Variants in FFAR4 observed in about 807,000 individuals in gnomAD.
FFAR4 encodes free fatty acid receptor 4.
A neutral mutation model predicts 27.0 loss-of-function variants in FFAR4; 19 were observed. The ratio of observed to expected loss-of-function variants is 0.70; its 90% CI spans 0.49 to 1.03. FFAR4 has a LOEUF of 1.03. Ranked by LOEUF, FFAR4 falls within the 50% of genes least tolerant of loss-of-function variation. The pLI is 0.00. For synonymous variants in FFAR4, 254 were observed against 215.6 expected (o/e 1.18, Z -1.56); for missense variants, 476 against 479.0 (o/e 0.99, Z 0.06).
chr10:93,574,362 C>T (rs2058150089), intron 1 of FFAR4, among the ~76,000 whole-genome samples: 1 of 152,118 alleles, frequency 6.6e-6, no homozygotes, highest in South Asian at 2.1e-4. Flanking sequence ...TTTTTCTACT[C>T]TCCCTTAAAA....
At chr10:93,575,954 T>C in intron 1 of FFAR4, 137 bp from the exon 2 acceptor site, 1 of 770,298 alleles carries the variant, frequency 1.3e-6, no homozygotes, top group South Asian at 1.7e-5. Flanking sequence ...TGGGAGGGAT[T>C]CTGGGGTTCA....
At chr10:93,578,134 A>C (rs1564783805) in intron 2 of FFAR4, among the ~76,000 whole-genome samples, 1 of 152,128 alleles carries the variant, frequency 6.6e-6, no homozygotes. Flanking sequence ...AAAGAAGAGC[A>C]GGCCAGGTGT....
rs866781797 is a variant in FFAR4, at chr10:93,566,810, C to T, written c.90C>T (p.Asp30=). 1.6e-5 allele frequency: 25 copies of T among 1,606,208 alleles called. 1 individual carries two copies. The Middle Eastern group carries it at 4.9e-4, about 32-fold the overall frequency. ...GCACCCGCTTTCCCTTCTTCTCCGACGTCAAGGGCGACCACCGGCTGGTGC... is the reference window on the plus strand; with the variant it reads ...GCACCCGCTTTCCCTTCTTCTCCGATGTCAAGGGCGACCACCGGCTGGTGC... ...ANRTRFPFFS[D]VKGDHRLVLA... is the part of the protein sequence containing the mutation. The change falls in exon 1 of 3, where the codon GAC becomes GAT. Residue 30 remains aspartate, a synonymous_variant. Transcript: ENST00000371481.
At chr10:93,579,439 A>G (rs558200327) in intron 2 of FFAR4, among the ~76,000 whole-genome samples, 90 of 152,056 alleles carry the variant, frequency 5.9e-4, no homozygotes, top group African/African-American at 2.1e-3. Context: ...TCTTCTCCAG[A>G]TTTCTGCATG....
intron 2 of FFAR4, among the ~76,000 whole-genome samples, chr10:93,582,518 T>C (rs1183805621): frequency 7.5e-6 from 1 of 134,052 alleles, no homozygotes; most frequent in Non-Finnish European, 1.5e-5. Context: ...CACTCCAGCC[T>C]GGGCAACAAG....
chr10:93,582,139 G>T (rs926588001), intron 2 of FFAR4, among the ~76,000 whole-genome samples: 10 of 152,274 alleles, frequency 6.6e-5, no homozygotes, highest in African/African-American at 2.4e-4. Context: ...TCTAGCATGG[G>T]GAGAGGAGGA....
At chr10:93,567,684 C>T (rs2058107210) in intron 1 of FFAR4, among the ~76,000 whole-genome samples, 1 of 152,030 alleles carries the variant, frequency 6.6e-6, no homozygotes, top group African/African-American at 2.4e-5. Context: ...AGAGGCACAC[C>T]GAAGTGTATA....
At chr10:93,571,146 G>A (rs1396730926) in intron 1 of FFAR4, among the ~76,000 whole-genome samples, 1 of 152,140 alleles carries the variant, frequency 6.6e-6, no homozygotes, top group Non-Finnish European at 1.5e-5. Flanking sequence ...ACACATCCTA[G>A]CAACGTTGAC....
At chr10:93,577,383 CCTT>C (rs1438018859) in intron 2 of FFAR4, among the ~76,000 whole-genome samples, 1 of 152,176 alleles carries the variant, frequency 6.6e-6, no homozygotes, top group African/African-American at 2.4e-5. Context: ...GGGTCTGTAA[CCTT>C]CTTAGACGCT....
intron 2 of FFAR4, among the ~76,000 whole-genome samples, chr10:93,585,758 T>A (rs2058223327): frequency 6.6e-6 from 1 of 152,182 alleles, no homozygotes; most frequent in African/African-American, 2.4e-5. Flanking sequence ...GATGAGGGGA[T>A]CATTCCCAAG....
Position 93,587,272 on chromosome 10 carries a change from G to C in FFAR4, c.749G>C (p.Ser250Thr). Residue 250 changes from serine to threonine, a missense_variant, in exon 3 of 3, where the codon AGC (serine) becomes ACC (threonine). By Grantham distance (58) the Ser-to-Thr change is moderately conservative. Coordinates refer to ENST00000371481, the MANE Select transcript of FFAR4 (RefSeq NM_001195755.2). ...RLTVSLAYSE[S>T]HQIRVSQQDF... ...ACGGTAAGCCTGGCCTACTCGGAGA[G>C]CCACCAGATCCGCGTGTCCCAGCAG... 6.2e-7 allele frequency: 1 copy of C among 1,614,174 alleles called. No individual in the cohort carries two copies. The highest frequency in any genetic ancestry group is 2.2e-5 in the East Asian group (1 of 44,876).
rs1462939845 is a variant in FFAR4 at position 93,566,799 on chromosome 10, T to C, written c.79T>C (p.Phe27Leu). 2 of 1,608,392 alleles carry C rather than the reference T, an allele frequency of 1.2e-6. No individual in the cohort carries two copies. The change falls in exon 1 of 3, where the codon TTC (phenylalanine) becomes CTC (leucine). Residue 27 changes from phenylalanine (F) to leucine (L), a missense_variant. Physicochemically the swap from Phe to Leu is conservative, Grantham distance 22. Transcript: ENST00000371481. ...LEQANRTRFP[F>L]FSDVKGDHRL... is the part of the protein sequence containing the mutation. ...GCAAGCCAACCGCACCCGCTTTCCC[T>C]TCTTCTCCGACGTCAAGGGCGACCA...
At chr10:93,586,360 C>T (rs1163544093) in intron 2 of FFAR4, among the ~76,000 whole-genome samples, 1 of 152,150 alleles carries the variant, frequency 6.6e-6, no homozygotes, top group African/African-American at 2.4e-5. Flanking sequence ...TTGTAAGTTT[C>T]CTGAGGCCTC....
Position 93,570,361 on chromosome 10 carries a change from G to C in FFAR4, c.567+3074G>C, listed in dbSNP as rs188269153. Among the ~76,000 whole-genome samples the C allele has an allele frequency of 4.6e-5, 7 of 151,444 alleles. No homozygotes were observed. The East Asian group carries it at 7.9e-4, about 17-fold the overall frequency. On this transcript the variant is annotated intron_variant, in intron 1 of 2. Coordinates refer to ENST00000371481, the MANE Select transcript of FFAR4 (RefSeq NM_001195755.2). ...GAATGAGAGACAGAAAAAAACAAAGGGGGAGTGTAGTCATTAAAAAAAAAA... is the reference window on the plus strand; with the variant it reads ...GAATGAGAGACAGAAAAAAACAAAGCGGGAGTGTAGTCATTAAAAAAAAAA...
chr10:93,583,001 C>T (rs1021110121), intron 2 of FFAR4, among the ~76,000 whole-genome samples: 2 of 152,064 alleles, frequency 1.3e-5, no homozygotes, highest in African/African-American at 4.8e-5. Context: ...ATGATCCAAA[C>T]ACCTCCCACC....
At chr10:93,581,282 A>G (rs2058195858) in intron 2 of FFAR4, among the ~76,000 whole-genome samples, 1 of 152,374 alleles carries the variant, frequency 6.6e-6, no homozygotes, top group Non-Finnish European at 1.5e-5. Flanking sequence ...GGTGTTAGAC[A>G]GTGAACACAA....
intron 1 of FFAR4, among the ~76,000 whole-genome samples, chr10:93,568,595 CA>C (rs1210928823): frequency 1.3e-5 from 2 of 152,072 alleles, no homozygotes; most frequent in Non-Finnish European, 1.5e-5. Flanking sequence ...GCACACAGCC[CA>C]CCAGGGACAC....
At chr10:93,571,742 C>A (rs1164216303) in intron 1 of FFAR4, among the ~76,000 whole-genome samples, 1 of 152,132 alleles carries the variant, frequency 6.6e-6, no homozygotes, top group South Asian at 2.1e-4. Flanking sequence ...TATTTTCTCT[C>A]TTTTTTGCTG....
At chr10:93,577,748 A>C (rs911624459) in intron 2 of FFAR4, among the ~76,000 whole-genome samples, 10 of 152,240 alleles carry the variant, frequency 6.6e-5, no homozygotes, top group Admixed American at 5.2e-4. Context: ...TCTGATAAGA[A>C]TTACAGATGA....
Sources: allele counts gnomAD v4.1 joint callset (sites outside exome capture counted in the v4.1 genomes callset), GRCh38; gene constraint gnomAD v4.1.1; transcripts MANE v1.5; gene names NCBI Gene and HGNC (gene_info 2026-07-23, HGNC 2026-07-21).